The following GABRB1 variants were observed in gnomAD, a reference collection of about 807,000 sequenced individuals.
The protein encoded by GABRB1 is gamma-aminobutyric acid receptor subunit beta-1.
Under a neutral mutation model 51.6 loss-of-function variants are expected in GABRB1, and 17 were observed. That is an observed-to-expected ratio of 0.33 (90% CI 0.23 to 0.49). The LOEUF is 0.49. Among genes scored for constraint, GABRB1 ranks in the 20% least tolerant of loss-of-function variants. The pLI is 0.99. For synonymous variants in GABRB1, 247 were observed against 218.9 expected (o/e 1.13, Z -1.14); for missense variants, 410 against 600.6 (o/e 0.68, Z 3.32).
intron 4 of GABRB1, among the ~76,000 whole-genome samples, chr4:47,176,236 A>G (rs1718693375): frequency 6.6e-6 from 1 of 152,124 alleles, no homozygotes; most frequent in East Asian, 1.9e-4. Context: ...CTTCTATATG[A>G]TAGGTAATGA....
intron 5 of GABRB1, among the ~76,000 whole-genome samples, chr4:47,369,194 A>G (rs1420395861): frequency 6.6e-6 from 1 of 152,202 alleles, no homozygotes; most frequent in East Asian, 1.9e-4. Flanking sequence ...TGTTCCCAAT[A>G]CTAACAAACA....
intron 5 of GABRB1, among the ~76,000 whole-genome samples, chr4:47,360,224 A>T (rs1027607386): frequency 6.6e-6 from 1 of 152,036 alleles, no homozygotes; most frequent in African/African-American, 2.4e-5. Context: ...TGGGATAAGG[A>T]AGATTTTTTT....
chr4:47,217,364 C>A (rs1297136583), intron 4 of GABRB1, among the ~76,000 whole-genome samples: 1 of 151,766 alleles, frequency 6.6e-6, no homozygotes, highest in Non-Finnish European at 1.5e-5. Context: ...CATATCCCAA[C>A]ATAGCAATAA....
chr4:47,405,393 C>T (rs1728533011), intron 7 of GABRB1, among the ~76,000 whole-genome samples: 1 of 152,130 alleles, frequency 6.6e-6, no homozygotes, highest in African/African-American at 2.4e-5. Flanking sequence ...CTTCCATTCC[C>T]TTTGGAAGTT....
At chr4:47,379,253 C>T (rs1390237735) in intron 5 of GABRB1, among the ~76,000 whole-genome samples, 1 of 152,178 alleles carries the variant, frequency 6.6e-6, no homozygotes, top group Admixed American at 6.5e-5. Flanking sequence ...CACAGATGGT[C>T]CCTGATTGGT....
intron 4 of GABRB1, among the ~76,000 whole-genome samples, chr4:47,208,304 A>T (rs1019370649): frequency 3.9e-5 from 6 of 152,030 alleles, no homozygotes; most frequent in African/African-American, 1.4e-4. Flanking sequence ...TTGAGACAGG[A>T]AGTAGATTTG....
rs115571391 is a variant in GABRB1, at chr4:47,052,004, C to T, written c.240+19520C>T. Among the ~76,000 whole-genome samples the T allele has an allele frequency of 3.9e-3, 600 of 152,186 alleles. 5 individuals are homozygous for T. Among genetic ancestry groups the T allele is most frequent in the Non-Finnish European group, 6.0e-3 (408 of 68,012 alleles). On this transcript the variant is annotated intron_variant, in intron 3 of 8. Transcript: ENST00000295454. ...GTCAGCCGGGTGTGGTGTCACACACCTGTAATTTCAGCTACACGGGAGGCT... is the reference window on the plus strand; with the variant it reads ...GTCAGCCGGGTGTGGTGTCACACACTTGTAATTTCAGCTACACGGGAGGCT...
Position 47,161,229 on chromosome 4 carries a change from T to G in GABRB1, c.241-20T>G, listed in dbSNP as rs753219308. 1 of 1,460,460 alleles carries G rather than the reference T, an allele frequency of 6.8e-7. No individual in the cohort carries two copies. Among genetic ancestry groups the G allele is most frequent in the Admixed American group, 2.0e-5 (1 of 49,060 alleles). 90.5% of individuals were successfully genotyped at this position (1,460,460 alleles called of 1,614,324 possible). A position where few individuals can be genotyped will look rare whatever the true frequency, so the allele number is the denominator to read the frequency against. On this transcript the variant is annotated intron_variant, in intron 3 of 8. Transcript: ENST00000295454. ...TGATAGTAAAATTCTTTTTTTTTTT[T>G]TGCTTTCTTTATTTCACAGGATTAT...
intron 3 of GABRB1, among the ~76,000 whole-genome samples, chr4:47,147,778 T>C (rs1717239291): frequency 6.6e-6 from 1 of 151,968 alleles, no homozygotes; most frequent in Non-Finnish European, 1.5e-5. Context: ...GAAGATTTTA[T>C]AGCAAGACAA....
chr4:47,312,917 T>C (rs930450342), intron 4 of GABRB1, among the ~76,000 whole-genome samples: 2 of 152,108 alleles, frequency 1.3e-5, no homozygotes, highest in Non-Finnish European at 2.9e-5. Context: ...GGCTTTTGGA[T>C]TATGTTTTGT....
rs75978724 is a variant in GABRB1, at chr4:47,390,395, A to T, written c.545-12923A>T. 9.8e-3 allele frequency among the ~76,000 whole-genome samples: 1,498 copies of T among 152,326 alleles called. 23 individuals carry two copies. Among genetic ancestry groups the T allele is most frequent in the African/African-American group, 0.034 (1,430 of 41,572 alleles). ...GAAACACATTTACGTACAAGACTAG[A>T]CCATCCCCCTAGCTCTATTAAGCAC... On this transcript the variant is annotated intron_variant, in intron 5 of 8. Transcript: ENST00000295454.
intron 4 of GABRB1, among the ~76,000 whole-genome samples, chr4:47,183,670 CT>C (rs1719051267): frequency 6.6e-6 from 1 of 151,690 alleles, no homozygotes; most frequent in Non-Finnish European, 1.5e-5. Context: ...AATTACTCCC[CT>C]CTTTCTACAT....
At chr4:47,146,592 T>C (rs1717179877) in intron 3 of GABRB1, among the ~76,000 whole-genome samples, 1 of 152,050 alleles carries the variant, frequency 6.6e-6, no homozygotes, top group Admixed American at 6.6e-5. Flanking sequence ...ATTAATAGCG[T>C]AATAATCTCC....
intron 4 of GABRB1, among the ~76,000 whole-genome samples, chr4:47,223,016 G>A (rs1720819919): frequency 6.6e-6 from 1 of 151,998 alleles, no homozygotes; most frequent in South Asian, 2.1e-4. Context: ...TTTAAGCATT[G>A]TAGTACCCCA....
chr4:47,358,703 CAGA>C, intron 5 of GABRB1, among the ~76,000 whole-genome samples: 1 of 152,082 alleles, frequency 6.6e-6, no homozygotes, highest in Non-Finnish European at 1.5e-5. Context: ...CAAACACAGT[CAGA>C]ATCTGAAGTT....
intron 3 of GABRB1, among the ~76,000 whole-genome samples, chr4:47,125,861 A>G (rs114288687): frequency 0.039 from 5,936 of 150,470 alleles, 161 homozygotes; most frequent in Non-Finnish European, 0.06. Flanking sequence ...GGCCCAAAGT[A>G]TAATTTCTTA....
intron 5 of GABRB1, 96 bp from the exon 6 acceptor site, chr4:47,403,221 AC>A: frequency 7.4e-7 from 1 of 1,356,194 alleles, no homozygotes; most frequent in South Asian, 1.3e-5. Flanking sequence ...ATGCCACCTT[AC>A]CACTTTTGTG....
intron 4 of GABRB1, among the ~76,000 whole-genome samples, chr4:47,319,369 G>C (rs1208371844): frequency 6.6e-6 from 1 of 152,046 alleles, no homozygotes; most frequent in African/African-American, 2.4e-5. Context: ...GCAGGGCCAA[G>C]AGTGAGCACT....
intron 4 of GABRB1, among the ~76,000 whole-genome samples, chr4:47,298,467 A>G (rs1276306608): frequency 6.6e-6 from 1 of 152,232 alleles, no homozygotes; most frequent in Non-Finnish European, 1.5e-5. Flanking sequence ...GAGCCAAATC[A>G]TAAGTGAACT....
Sources: gnomAD v4.1 joint callset for allele counts (sites outside exome capture counted in the v4.1 genomes callset) on GRCh38, gnomAD v4.1.1 for gene constraint, MANE v1.5 for transcripts, NCBI Gene and HGNC (gene_info 2026-07-23, HGNC 2026-07-21) for gene names.